The following SNX19 variants were observed in gnomAD, a reference collection of about 807,000 sequenced individuals.
The protein encoded by SNX19 is sorting nexin-19.
SNX19 carries 60 observed loss-of-function variants against 85.2 expected under a neutral mutation model. The observed-to-expected ratio is 0.70, with a 90% CI of 0.57 to 0.87. SNX19 has a LOEUF of 0.87. SNX19 is among the 40% of genes least tolerant of loss of function. SNX19 has a pLI of 0.00. For synonymous variants in SNX19, 520 were observed against 470.0 expected (o/e 1.11, Z -1.38); for missense variants, 1,201 against 1,217.8 (o/e 0.99, Z 0.21).
At position 130,903,236 on chromosome 11, in the gene SNX19, G is replaced by A. The variant is rs771014388; in HGVS notation, c.2573+19C>T. On this transcript the variant is annotated intron_variant, in intron 8 of 10. Transcript: ENST00000265909. ...TGCAACTTGAGATTCTGATGTGAGG[G>A]AGAATTCAGCAGTCTTACCTTTGAA... 1 of 1,613,004 alleles carries A rather than the reference G, an allele frequency of 6.2e-7. No individual in the cohort carries two copies. Among genetic ancestry groups the A allele is most frequent in the Non-Finnish European group, 8.5e-7 (1 of 1,179,274 alleles).
chr11:130,912,428 A>G (rs1185567997), intron 1 of SNX19, among the ~76,000 whole-genome samples: 2 of 152,244 alleles, frequency 1.3e-5, no homozygotes, highest in African/African-American at 4.8e-5. Context: ...AAGACGACTT[A>G]TATCTCATGT....
In SNX19 at chr11:130,906,656, T is replaced by A. The variant is rs749236122; in HGVS notation, c.2231A>T (p.Lys744Met). 8.1e-6 allele frequency: 13 copies of A among 1,613,228 alleles called. No homozygotes were observed. The highest frequency in any genetic ancestry group is 1.1e-5 in the Non-Finnish European group (13 of 1,179,298). Residue 744 changes from lysine (K) to methionine (M), a missense_variant, in exon 6 of 11, where the codon AAG (lysine) becomes ATG (methionine). By Grantham distance (95) the Lys-to-Met change is moderately conservative (BLOSUM62 -1). Coordinates refer to ENST00000265909, the MANE Select transcript of SNX19 (RefSeq NM_014758.3). The part of the protein sequence containing the change: ...PALSVTEAQD[K>M]ILYCLQEGNV... The stretch of plus-strand genomic sequence containing the variant: ...GCCTTCCTGGAGACAATAAAGAATC[T>A]TGTCTTGTGCTTCAGTCACACTTAG...
At position 130,876,110 on chromosome 11, in the gene SNX19, A is replaced by ACTT. The variant is rs1943233101; in HGVS notation, c.*2309_*2311dup. ...TCTTATTTCAAATATCAAAATTCTGACTTAAATGAATAAAATTTAGTCACG... is the reference window on the plus strand; with the variant it reads ...TCTTATTTCAAATATCAAAATTCTGACTTCTTAAATGAATAAAATTTAGTCACG... On this transcript the variant is annotated 3_prime_UTR_variant, in exon 11 of 11. Coordinates refer to ENST00000265909, the MANE Select transcript of SNX19 (RefSeq NM_014758.3). 6.6e-6 allele frequency: 1 copy of ACTT among 152,230 alleles called. No individual in the cohort carries two copies. The highest frequency in any genetic ancestry group is 6.5e-5 in the Admixed American group (1 of 15,292). 9.4% of individuals were successfully genotyped at this position (152,230 alleles called of 1,614,324 possible).
chr11:130,879,013 T>C (rs1197868975), intron 10 of SNX19, among the ~76,000 whole-genome samples: 1 of 152,226 alleles, frequency 6.6e-6, no homozygotes, highest in Non-Finnish European at 1.5e-5. Flanking sequence ...AGTGCAAGGT[T>C]ACTCAATACT....
Position 130,870,825 on chromosome 11 carries a change from T to TGG in SNX19, c.*7595_*7596dup, listed in dbSNP as rs5795702. Among the ~76,000 whole-genome samples the TGG allele has an allele frequency of 5.9e-3, 873 of 148,336 alleles. 17 individuals carry two copies. Among genetic ancestry groups the TGG allele is most frequent in the African/African-American group, 0.019 (765 of 40,342 alleles). On this transcript the variant is annotated 3_prime_UTR_variant, in exon 11 of 11. Coordinates refer to ENST00000265909, the MANE Select transcript of SNX19 (RefSeq NM_014758.3). ...CATGCACTAGGTATATACATATAGTTGGGGGGGGGGCATAAGGACATAATA... is the reference window on the plus strand; with the variant it reads ...CATGCACTAGGTATATACATATAGTTGGGGGGGGGGGGCATAAGGACATAATA...
rs1485458172 is a variant in SNX19, at chr11:130,874,762, A to C, written c.*3660T>G. Among the ~76,000 whole-genome samples the C allele has an allele frequency of 6.6e-6, 1 of 152,218 alleles. No homozygotes were observed. The highest frequency in any genetic ancestry group is 2.4e-5 in the African/African-American group (1 of 41,442). ...TGGAAATGAATAACCTGGGTAGGAC[A>C]CAGGAAGACTCAAAAATGTTCTAGG... On this transcript the variant is annotated 3_prime_UTR_variant, in exon 11 of 11. Transcript: ENST00000265909.
At chr11:130,897,389 G>GAC (rs1015486354) in intron 8 of SNX19, among the ~76,000 whole-genome samples, 69 of 149,536 alleles carry the variant, frequency 4.6e-4, no homozygotes, top group East Asian at 1.2e-3. Flanking sequence ...CACACACACA[G>GAC]ACACACACAC....
intron 10 of SNX19, 50 bp downstream of exon 10, chr11:130,879,574 C>G: frequency 2.0e-6 from 3 of 1,516,454 alleles, no homozygotes; most frequent in Non-Finnish European, 2.7e-6. Context: ...CCTCTGAGAC[C>G]AGAGGTGGCT....
In SNX19 at chr11:130,905,705, C is replaced by A. The variant is rs906941134; in HGVS notation, c.2443+248G>T. On this transcript the variant is annotated intron_variant, in intron 7 of 10. Transcript: ENST00000265909. ...TTTAATGAGTTATCAATATTATCAG[C>A]ATGATCTCATCCTGCTGGATTAGAA... is the stretch of plus-strand genomic sequence containing the variant. 3 of 1,532,458 alleles carry A rather than the reference C, an allele frequency of 2.0e-6. No individual in the cohort carries two copies. The African/African-American group carries it at 4.1e-5, about 21-fold the overall frequency. The allele number at this position is 1,532,458 out of a possible 1,614,324, so 94.9% of individuals were successfully genotyped here.
At chr11:130,896,218 T>C (rs763344018) in intron 8 of SNX19, among the ~76,000 whole-genome samples, 3 of 152,110 alleles carry the variant, frequency 2.0e-5, no homozygotes, top group Non-Finnish European at 4.4e-5. Context: ...GTATAAGACA[T>C]AGCCAGGCAT....
In SNX19 at chr11:130,914,451, T is replaced by G; in HGVS notation, c.1489A>C (p.Thr497Pro). The G allele has an allele frequency of 6.2e-7, 1 of 1,613,564 alleles. No individual in the cohort carries two copies. ...GAGGAAAGCAGAACTGGTGGCAGAGTAGGATCAAGGGAGCTCACATCATTG... is the reference window on the plus strand; with the variant it reads ...GAGGAAAGCAGAACTGGTGGCAGAGGAGGATCAAGGGAGCTCACATCATTG... The part of the protein sequence containing the change: ...LTNDVSSLDP[T>P]LPPVLLSSSP... Residue 497 changes from threonine to proline, a missense_variant, in exon 1 of 11, where the codon ACT becomes CCT. Physicochemically the swap from Thr to Pro is conservative, Grantham distance 38. Transcript: ENST00000265909.
chr11:130,887,425 T>A (rs757835954), intron 8 of SNX19, among the ~76,000 whole-genome samples: 1 of 152,206 alleles, frequency 6.6e-6, no homozygotes, highest in African/African-American at 2.4e-5. Context: ...GAGGTTATTT[T>A]ATCCAGTCTC....
In SNX19 at chr11:130,873,013, A is replaced by C. The variant is rs1479004402; in HGVS notation, c.*5409T>G. Among the ~76,000 whole-genome samples, 1 of 152,200 alleles carries C rather than the reference A, an allele frequency of 6.6e-6. No homozygotes were observed. Among genetic ancestry groups the C allele is most frequent in the African/African-American group, 2.4e-5 (1 of 41,448 alleles). ...CTCCCTGCCCCTCAAACAGCAGAGGAGTGTGATAATCATGCTGTCAACATT... is the reference window on the plus strand; with the variant it reads ...CTCCCTGCCCCTCAAACAGCAGAGGCGTGTGATAATCATGCTGTCAACATT... On this transcript the variant is annotated 3_prime_UTR_variant, in exon 11 of 11. Transcript: ENST00000265909.
intron 4 of SNX19, among the ~76,000 whole-genome samples, chr11:130,909,526 T>C (rs1201246897): frequency 2.6e-5 from 4 of 152,218 alleles, no homozygotes; most frequent in Non-Finnish European, 5.9e-5. Context: ...ACCATCTCCA[T>C]AGGTGCTGAG....
chr11:130,891,847 T>G (rs1476803292), intron 8 of SNX19, among the ~76,000 whole-genome samples: 1 of 24,096 alleles, frequency 4.2e-5, no homozygotes, highest in African/African-American at 9.8e-5. Context: ...AAGTTTTTTC[T>G]TTTTTTTTTT....
At position 130,871,660 on chromosome 11, in the gene SNX19, C is replaced by T. The variant is rs560500103; in HGVS notation, c.*6762G>A. ...ATAAACAAGCCATTGCTTCTGTCGA[C>T]ATTTGAGTCCTTTTGTCTGCAATCA... On this transcript the variant is annotated 3_prime_UTR_variant, in exon 11 of 11. Transcript: ENST00000265909. Among the ~76,000 whole-genome samples the T allele has an allele frequency of 6.6e-6, 1 of 152,320 alleles. No homozygotes were observed. The highest frequency in any genetic ancestry group is 1.9e-4 in the East Asian group (1 of 5,182).
chr11:130,913,617 G>A (rs1946315926), intron 1 of SNX19, among the ~76,000 whole-genome samples: 1 of 152,156 alleles, frequency 6.6e-6, no homozygotes. Flanking sequence ...AAAATCCAAT[G>A]GGTAGGATCT....
intron 8 of SNX19, among the ~76,000 whole-genome samples, chr11:130,898,816 T>C (rs1945055411): frequency 1.3e-5 from 2 of 152,230 alleles, no homozygotes; most frequent in African/African-American, 4.8e-5. Context: ...TGCAAGTGTG[T>C]AGATACGGAG....
intron 5 of SNX19, 55 bp downstream of exon 5, chr11:130,907,898 T>C: frequency 1.2e-6 from 2 of 1,604,334 alleles, no homozygotes; most frequent in South Asian, 2.2e-5. Flanking sequence ...GGCTGAGGAT[T>C]GGGGATCAAT....
Sources: gnomAD v4.1 joint callset for allele counts (sites outside exome capture counted in the v4.1 genomes callset) on GRCh38, gnomAD v4.1.1 for gene constraint, MANE v1.5 for transcripts, NCBI Gene and HGNC (gene_info 2026-07-23, HGNC 2026-07-21) for gene names.